The following CDKN2A variants were observed in gnomAD, a reference collection of about 807,000 sequenced individuals.
CDKN2A encodes the protein cyclin-dependent kinase inhibitor 2A.
A neutral mutation model predicts 11.1 loss-of-function variants in CDKN2A; 3 were observed. That is an observed-to-expected ratio of 0.27 (90% CI 0.12 to 0.70). The LOEUF is 0.70. Ranked by LOEUF, CDKN2A falls within the 30% of genes least tolerant of loss-of-function variation. The pLI is 0.77. For synonymous variants in CDKN2A, 122 were observed against 108.1 expected, an observed-to-expected ratio of 1.13 and a Z score of -0.80; for missense variants, 265 against 233.6, an observed-to-expected ratio of 1.13 and a Z score of -0.88.
intron 1 of CDKN2A, among the ~76,000 whole-genome samples, chr9:21,972,247 C>A (rs1467123986): frequency 6.6e-6 from 1 of 152,190 alleles, no homozygotes; most frequent in East Asian, 1.9e-4. Flanking sequence ...AATGCCCCCC[C>A]ACCCCCAATG....
At chr9:21,986,185 T>C (rs1377888864) in intron 2 of CDKN2A, among the ~76,000 whole-genome samples, 2 of 152,082 alleles carry the variant, frequency 1.3e-5, no homozygotes, top group South Asian at 2.1e-4. Flanking sequence ...TCACAGGTCA[T>C]GTGAATGCTA....
At chr9:21,987,420 CACACACACACACAGAGAGAGAGAGAGAG>C (rs1172638395) in intron 2 of CDKN2A, among the ~76,000 whole-genome samples, 3 of 119,440 alleles carry the variant, frequency 2.5e-5, no homozygotes, top group Non-Finnish European at 3.6e-5. Flanking sequence ...CACACACACA[CACACACACACACAGAGAGAGAGAGAGAG>C]AGAGAGAGAT....
At chr9:21,989,004 A>C (rs1006230767) in intron 2 of CDKN2A, among the ~76,000 whole-genome samples, 1 of 152,110 alleles carries the variant, frequency 6.6e-6, no homozygotes, top group African/African-American at 2.4e-5. Flanking sequence ...TCCTCTAGCA[A>C]TACTATTGGT....
At chr9:21,972,551 C>T (rs1003075413) in intron 1 of CDKN2A, among the ~76,000 whole-genome samples, 2 of 152,124 alleles carry the variant, frequency 1.3e-5, no homozygotes, top group African/African-American at 4.8e-5. Flanking sequence ...AGGAATGAAA[C>T]CTTGTGGACC....
upstream of CDKN2A, among the ~76,000 whole-genome samples, chr9:21,976,570 G>C (rs549994958): frequency 1.3e-5 from 2 of 151,768 alleles, no homozygotes; most frequent in African/African-American, 4.8e-5. Context: ...TACAAAATTA[G>C]CGGGGCTTGG....
At chr9:21,976,429 G>A (rs138936339), upstream of CDKN2A, among the ~76,000 whole-genome samples, 37 of 148,254 alleles carry the variant, frequency 2.5e-4, 1 homozygote, top group East Asian at 6.9e-3. Context: ...TTACATAAAA[G>A]GAAAGTCCGG....
rs1819970531 is a variant in CDKN2A at position 21,974,847 on chromosome 9, T to C, written c.-20A>G. ...CTCCATGCTGCTCCCCGCCGCCCGC[T>C]GCCTGCTCTCCCCCTCTCCGCAGCC... On this transcript the variant is annotated 5_prime_UTR_variant, in exon 1 of 3. Transcript: ENST00000304494. This position sits in a 1 kb window ranked among gnomAD's most constrained non-coding sequence, Gnocchi z 5.2. The C allele has an allele frequency of 3.2e-6, 5 of 1,556,930 alleles. No homozygotes were observed. The highest frequency in any genetic ancestry group is 4.3e-6 in the Non-Finnish European group (5 of 1,157,068).
intron 2 of CDKN2A, among the ~76,000 whole-genome samples, chr9:21,983,032 C>G (rs1820229668): frequency 6.6e-6 from 1 of 152,114 alleles, no homozygotes; most frequent in Non-Finnish European, 1.5e-5. Flanking sequence ...GCTTCCTTTT[C>G]TTTGAGGACT....
At chr9:21,985,461 A>C (rs1820278634) in intron 2 of CDKN2A, among the ~76,000 whole-genome samples, 1 of 151,970 alleles carries the variant, frequency 6.6e-6, no homozygotes, top group Admixed American at 6.6e-5. Context: ...ACACACACAT[A>C]ATTTTTTATA....
chr9:21,993,815 GTGTGTGT>G (rs779359531), intron 2 of CDKN2A: 4 of 451,468 alleles, frequency 8.9e-6, no homozygotes, highest in Non-Finnish European at 1.6e-5. Context: ...GTGTGTGTGT[GTGTGTGT>G]GTGTGTGTGT....
chr9:21,976,750 A>C (rs1820044930), upstream of CDKN2A, among the ~76,000 whole-genome samples: 1 of 151,996 alleles, frequency 6.6e-6, no homozygotes, highest in Non-Finnish European at 1.5e-5. Context: ...AGAAAGAAAG[A>C]CCAAGAAGAA....
At position 21,974,324 on chromosome 9, in the gene CDKN2A, T is replaced by C; in HGVS notation, c.150+354A>G. 2 of 1,210,996 alleles carry C rather than the reference T, an allele frequency of 1.7e-6. No individual in the cohort carries two copies. Among genetic ancestry groups the C allele is most frequent in the Admixed American group, 2.4e-5 (1 of 40,904 alleles). The allele number at this position is 1,210,996 out of a possible 1,614,324, so 75.0% of individuals were successfully genotyped here. ...TATCTGTGAATTGGAGGCTAAGTAG[T>C]CCCAGCACATCTTACATTTCTTTAA... On this transcript the variant is annotated intron_variant, in intron 1 of 2. Coordinates refer to ENST00000304494, the MANE Select transcript of CDKN2A (RefSeq NM_000077.5). The surrounding 1 kb of genome is among the most constrained non-coding windows in gnomAD (Gnocchi z 5.2).
intron 1 of CDKN2A, chr9:21,994,215 C>T (rs2131148386): frequency 6.2e-7 from 1 of 1,604,890 alleles, no homozygotes; most frequent in Non-Finnish European, 8.5e-7. Context: ...CAGCGGCGGG[C>T]GCCCCTGGCG....
At chr9:21,987,141 T>A (rs1320317274) in intron 2 of CDKN2A, among the ~76,000 whole-genome samples, 1 of 152,076 alleles carries the variant, frequency 6.6e-6, no homozygotes, top group East Asian at 1.9e-4. Flanking sequence ...TGTTACTTTT[T>A]AGCTTACATT....
Position 21,991,017 on chromosome 9 carries a change from C to T in CDKN2A, c.-4+2865G>A, listed in dbSNP as rs7867492. Reference sequence around the variant, plus strand: ...TATTAGTAGTTAGGTATATGAGAATCAGAATTCAGATAATTTGTCTTAAAA... The same window carrying T: ...TATTAGTAGTTAGGTATATGAGAATTAGAATTCAGATAATTTGTCTTAAAA... On this transcript the variant is annotated intron_variant, in intron 2 of 3. Coordinates refer to the CDKN2A transcript ENST00000494262. This position sits in a 1 kb window ranked among gnomAD's most constrained non-coding sequence, Gnocchi z 5.2. 1.8e-3 allele frequency among the ~76,000 whole-genome samples: 268 copies of T among 152,260 alleles called. 2 individuals carry two copies. Among genetic ancestry groups the T allele is most frequent in the African/African-American group, 6.2e-3 (259 of 41,542 alleles).
intron 1 of CDKN2A, chr9:21,971,478 G>GC: frequency 1.2e-6 from 1 of 821,702 alleles, no homozygotes; most frequent in Non-Finnish European, 1.8e-6. Flanking sequence ...TAGCAAAGGG[G>GC]CAGGGACAGA....
chr9:21,982,828 G>C (rs946188026), intron 2 of CDKN2A, among the ~76,000 whole-genome samples: 2 of 151,782 alleles, frequency 1.3e-5, no homozygotes, highest in African/African-American at 4.8e-5. Context: ...TTCCACAGCT[G>C]TCCCATGGGA....
At chr9:21,993,799 C>CTG (rs71336508) in intron 2 of CDKN2A, 23,440 of 246,698 alleles carry the variant, frequency 0.095, 964 homozygotes, top group East Asian at 0.17. Flanking sequence ...ACCTTTCCTA[C>CTG]TGTGTGTGTG....
chr9:21,990,611 TGAGAGAGAGAGAGAGAGAGAGAGA>T (rs60431211), intron 2 of CDKN2A, among the ~76,000 whole-genome samples: 1 of 89,676 alleles, frequency 1.1e-5, no homozygotes, highest in African/African-American at 3.8e-5. Flanking sequence ...ACTAATTTGG[TGAGAGAGAGAGAGAGAGAGAGAGA>T]GAGAGAGAGA....
Sources: allele counts gnomAD v4.1 joint callset (sites outside exome capture counted in the v4.1 genomes callset), GRCh38; gene constraint gnomAD v4.1.1; non-coding constraint Gnocchi (gnomAD v3.1); transcripts MANE v1.5; gene names NCBI Gene and HGNC (gene_info 2026-07-23, HGNC 2026-07-21).